Variants in PDILT observed in about 807,000 individuals in gnomAD.
PDILT encodes protein disulfide isomerase like, testis expressed, also known as protein disulfide-isomerase-like protein of the testis.
In PDILT, 43 loss-of-function variants were observed where a neutral mutation model predicts 53.7. That is an observed-to-expected ratio of 0.80 (90% CI 0.63 to 1.03). PDILT has a LOEUF of 1.03. Among genes scored for constraint, PDILT ranks in the 50% least tolerant of loss-of-function variants. PDILT has a pLI of 0.00. For missense variants in PDILT, 727 were observed against 712.3 expected (o/e 1.02, Z -0.24); for synonymous variants, 282 against 274.2 (o/e 1.03, Z -0.28).
intron 2 of PDILT, among the ~76,000 whole-genome samples, chr16:20,386,746 C>G (rs1281778537): frequency 1.3e-5 from 2 of 152,264 alleles, no homozygotes; most frequent in Non-Finnish European, 2.9e-5. Context: ...CCAGCATGCA[C>G]TGGCCAATTG....
intron 3 of PDILT, among the ~76,000 whole-genome samples, chr16:20,381,729 T>A (rs141556300): frequency 6.6e-6 from 1 of 151,318 alleles, no homozygotes; most frequent in African/African-American, 2.4e-5. Context: ...AATCCAGGCA[T>A]CCTCAATCCC....
At chr16:20,368,037 G>A (rs1174110217) in intron 8 of PDILT, among the ~76,000 whole-genome samples, 1 of 152,184 alleles carries the variant, frequency 6.6e-6, no homozygotes, top group African/African-American at 2.4e-5. Context: ...GCACTAAAGA[G>A]AAATGGGATC....
intron 8 of PDILT, among the ~76,000 whole-genome samples, chr16:20,367,261 C>T (rs989705525): frequency 1.1e-4 from 17 of 151,942 alleles, no homozygotes; most frequent in African/African-American, 4.1e-4. Flanking sequence ...TGCCACCACA[C>T]CCGGCTAATG....
rs1267759455 is a variant in PDILT, at chr16:20,362,494, A to G, written c.1326T>C (p.Ile442=). Residue 442 remains isoleucine (I), a synonymous_variant, in exon 10 of 12, where the codon ATT becomes ATC. Coordinates refer to ENST00000302451, the MANE Select transcript of PDILT (RefSeq NM_174924.2). The part of the protein sequence containing the change: ...RKYQNHSTII[I]AKIDVTANDI... ...CATTTGCTGTGACATCGATCTTGGC[A>G]ATGATAATTGTGGAGTGGTTTTGAT... 3 of 1,614,078 alleles carry G rather than the reference A, an allele frequency of 1.9e-6. No individual in the cohort carries two copies. The highest frequency in any genetic ancestry group is 2.5e-6 in the Non-Finnish European group (3 of 1,180,038).
intron 8 of PDILT, 22 bp downstream of exon 8, chr16:20,369,470 C>A (rs946205194): frequency 6.2e-7 from 1 of 1,605,476 alleles, no homozygotes; most frequent in Middle Eastern, 1.7e-4. Context: ...TCTGGATAAA[C>A]CTTGTCCAAG....
At chr16:20,381,951 T>C (rs1035345613) in intron 3 of PDILT, among the ~76,000 whole-genome samples, 4 of 152,198 alleles carry the variant, frequency 2.6e-5, no homozygotes, top group African/African-American at 9.7e-5. Context: ...CAGGCTGAAG[T>C]GCAGTGGTGC....
chr16:20,362,331 G>A (rs1169409075), intron 10 of PDILT, 73 bp downstream of exon 10: 3 of 1,508,754 alleles, frequency 2.0e-6, no homozygotes, highest in Non-Finnish European at 2.7e-6. Flanking sequence ...CGCAGCTGGT[G>A]GTAGGGAGAA....
chr16:20,396,198 T>C (rs989360129), intron 2 of PDILT, among the ~76,000 whole-genome samples: 12 of 152,166 alleles, frequency 7.9e-5, no homozygotes, highest in African/African-American at 2.7e-4. Context: ...CTTTCAATAT[T>C]CTCGCTTTAC....
chr16:20,388,674 A>C (rs112349430), intron 2 of PDILT: 17,625 of 152,292 alleles, frequency 0.12, 1,152 homozygotes, highest in African/African-American at 0.17. Flanking sequence ...GCACTTTGGG[A>C]AGCCAAGGTG....
chr16:20,397,731 G>T (rs1966680886), intron 2 of PDILT, among the ~76,000 whole-genome samples: 1 of 152,118 alleles, frequency 6.6e-6, no homozygotes, highest in Non-Finnish European at 1.5e-5. Context: ...TGGGTGGAGG[G>T]GCAGCTTGGG....
At chr16:20,392,309 G>A (rs1202627200) in intron 2 of PDILT, among the ~76,000 whole-genome samples, 1 of 152,178 alleles carries the variant, frequency 6.6e-6, no homozygotes, top group Non-Finnish European at 1.5e-5. Context: ...AATCAAAGAT[G>A]CTGAGGTCTG....
intron 3 of PDILT, among the ~76,000 whole-genome samples, chr16:20,378,507 T>C (rs1966417652): frequency 6.6e-6 from 1 of 152,182 alleles, no homozygotes; most frequent in Non-Finnish European, 1.5e-5. Flanking sequence ...GTCTGTTACA[T>C]AGGTATACAT....
intron 3 of PDILT, among the ~76,000 whole-genome samples, chr16:20,377,563 G>T (rs1423096829): frequency 1.3e-5 from 2 of 152,166 alleles, no homozygotes; most frequent in Non-Finnish European, 2.9e-5. Context: ...GGAAATGTTT[G>T]AAATCAAAGT....
chr16:20,395,915 A>C (rs12920708), intron 2 of PDILT, among the ~76,000 whole-genome samples: 97,441 of 152,114 alleles, frequency 0.64, 33,350 homozygotes, highest in Non-Finnish European at 0.78. Flanking sequence ...TGCCCAACTT[A>C]CAACCAGCAG....
intron 9 of PDILT, among the ~76,000 whole-genome samples, chr16:20,363,472 T>C (rs1966140092): frequency 3.6e-5 from 1 of 27,440 alleles, no homozygotes; most frequent in Non-Finnish European, 9.6e-5. Flanking sequence ...TTTGTGTATG[T>C]GTATGTGTGT....
At chr16:20,404,359 C>T (rs1222319161) in intron 1 of PDILT, 137 bp downstream of exon 1, 1 of 152,116 alleles carries the variant, frequency 6.6e-6, no homozygotes, top group Non-Finnish European at 1.5e-5. Flanking sequence ...TTTTAAAATC[C>T]TCAAGTTGAT....
In PDILT at chr16:20,369,611, T is replaced by C; in HGVS notation, c.997A>G (p.Ile333Val). Residue 333 changes from isoleucine to valine, a missense_variant, in exon 8 of 12, where the codon ATC becomes GTC. Coordinates refer to ENST00000302451, the MANE Select transcript of PDILT (RefSeq NM_174924.2). ...FKYFRVTEVD[I>V]PSVQILNLSS... ...AAGTTTAGGATTTGGACGGATGGGA[T>C]ATCGACCTCTGTGACCCGGAAGTAC... 6.2e-7 allele frequency: 1 copy of C among 1,614,226 alleles called. No homozygotes were observed. The highest frequency in any genetic ancestry group is 8.5e-7 in the Non-Finnish European group (1 of 1,180,044).
intron 2 of PDILT, among the ~76,000 whole-genome samples, chr16:20,393,712 G>A (rs1966631413): frequency 6.6e-6 from 1 of 152,176 alleles, no homozygotes; most frequent in South Asian, 2.1e-4. Context: ...TCTGGCAGGG[G>A]ACATAGACTC....
At position 20,399,174 on chromosome 16, in the gene PDILT, G is replaced by T; in HGVS notation, c.127C>A (p.Arg43Ser). 6.2e-7 allele frequency: 1 copy of T among 1,614,168 alleles called. No homozygotes were observed. ...GCGGGCGTTAGCACTAGGAGACTGCGTTCCTCCAGGATGTGCACAGGCTTG... is the reference window on the plus strand; with the variant it reads ...GCGGGCGTTAGCACTAGGAGACTGCTTTCCTCCAGGATGTGCACAGGCTTG... ...ITKPVHILEERSLLVLTPAGL... is the reference protein window; with the variant it reads ...ITKPVHILEESSLLVLTPAGL... The change falls in exon 2 of 12, where the codon CGC becomes AGC. Residue 43 changes from arginine (R) to serine (S), a missense_variant. Transcript: ENST00000302451.
Sources: gnomAD v4.1 joint callset for allele counts (sites outside exome capture counted in the v4.1 genomes callset) on GRCh38, gnomAD v4.1.1 for gene constraint, MANE v1.5 for transcripts, NCBI Gene and HGNC (gene_info 2026-07-23, HGNC 2026-07-21) for gene names.